Variants in BCAR3 observed in about 807,000 individuals in gnomAD.
BCAR3 encodes breast cancer anti-estrogen resistance protein 3.
In BCAR3, 37 loss-of-function variants were observed where a neutral mutation model predicts 80.1. The observed-to-expected ratio is 0.46, with a 90% CI of 0.36 to 0.61. The LOEUF (loss-of-function observed/expected upper bound fraction) is 0.61. Among genes scored for constraint, BCAR3 ranks in the 20% least tolerant of loss-of-function variants. The pLI is 0.00. For synonymous variants in BCAR3, 389 were observed against 418.9 expected (o/e 0.93, Z 0.87); for missense variants, 978 against 1,068.2 (o/e 0.92, Z 1.18).
chr1:93,785,855 T>C (rs184518368), intron 2 of BCAR3, among the ~76,000 whole-genome samples: 8 of 152,224 alleles, frequency 5.3e-5, no homozygotes, highest in Admixed American at 3.9e-4. Context: ...CCTGAAACAA[T>C]AGTATAGTGG....
intron 2 of BCAR3, among the ~76,000 whole-genome samples, chr1:93,811,830 A>T (rs1284967989): frequency 6.6e-6 from 1 of 152,218 alleles, no homozygotes; most frequent in African/African-American, 2.4e-5. Context: ...GGCTCCCAAG[A>T]GCCAACTGAC....
chr1:93,665,429 C>A (rs1647856650), intron 2 of BCAR3, among the ~76,000 whole-genome samples: 1 of 152,242 alleles, frequency 6.6e-6, no homozygotes, highest in South Asian at 2.1e-4. Context: ...TGAACACCAA[C>A]CCTATCCAGA....
At chr1:93,573,913 G>A (rs1331253881) in intron 8 of BCAR3, among the ~76,000 whole-genome samples, 1 of 152,146 alleles carries the variant, frequency 6.6e-6, no homozygotes, top group Non-Finnish European at 1.5e-5. Flanking sequence ...ACAGGCATGA[G>A]CCACCACGCC....
At chr1:93,588,940 C>CG in intron 5 of BCAR3, 37 bp downstream of exon 5, 1 of 1,504,290 alleles carries the variant, frequency 6.6e-7, no homozygotes, top group Non-Finnish European at 8.9e-7. Flanking sequence ...GGCACCCCGG[C>CG]GCCCCTCATA....
intron 2 of BCAR3, among the ~76,000 whole-genome samples, chr1:93,662,196 C>G (rs1647693374): frequency 6.6e-6 from 1 of 152,210 alleles, no homozygotes; most frequent in Admixed American, 6.5e-5. Flanking sequence ...CCATGTGTGA[C>G]CAACTCCGAT....
At chr1:93,814,379 C>T (rs1022197284) in intron 2 of BCAR3, among the ~76,000 whole-genome samples, 2 of 152,216 alleles carry the variant, frequency 1.3e-5, no homozygotes, top group Admixed American at 1.3e-4. Flanking sequence ...ATTTCCACAT[C>T]TCACAGGATG....
rs556842629 is a variant in BCAR3, at chr1:93,732,101, T to G, written c.-62-25959A>C. On this transcript the variant is annotated intron_variant, in intron 2 of 13. Coordinates refer to the BCAR3 transcript ENST00000370244. ...AAGTGAGAAAGAAAAAGAGAGAGAATTGGCATATTTAGGGAATAGAAAGAG... is the reference window on the plus strand; with the variant it reads ...AAGTGAGAAAGAAAAAGAGAGAGAAGTGGCATATTTAGGGAATAGAAAGAG... Among the ~76,000 whole-genome samples the G allele has an allele frequency of 7.2e-4, 110 of 152,268 alleles. 1 individual carries two copies. The highest frequency in any genetic ancestry group is 2.1e-3 in the African/African-American group (87 of 41,548).
At chr1:93,777,458 C>A (rs1652609337) in intron 2 of BCAR3, among the ~76,000 whole-genome samples, 1 of 146,582 alleles carries the variant, frequency 6.8e-6, no homozygotes. Context: ...TCCTCCTCTT[C>A]CTCCTCCTCT....
chr1:93,624,830 G>C (rs1015223718), intron 3 of BCAR3, among the ~76,000 whole-genome samples: 1 of 152,246 alleles, frequency 6.6e-6, no homozygotes, highest in African/African-American at 2.4e-5. Flanking sequence ...AGGGATGACA[G>C]GCCACACAGA....
intron 3 of BCAR3, chr1:93,602,341 T>C (rs1001840908): frequency 2.0e-5 from 3 of 152,190 alleles, no homozygotes; most frequent in African/African-American, 7.2e-5. Flanking sequence ...CTGTACCAGG[T>C]GGCCCAAGCT....
At chr1:93,565,624 A>C (rs766680304) in intron 11 of BCAR3, among the ~76,000 whole-genome samples, 2 of 151,908 alleles carry the variant, frequency 1.3e-5, no homozygotes, top group Non-Finnish European at 2.9e-5. Context: ...CATCCATGGT[A>C]ATGTATTCAT....
rs534788729 is a variant in BCAR3, at chr1:93,659,479, C to A, written c.317+15135G>T. On this transcript the variant is annotated intron_variant, in intron 2 of 11. Transcript: ENST00000260502. The stretch of plus-strand genomic sequence containing the variant: ...AAATGCTGAGATTATAGGCATGAGA[C>A]ACCATGCCTGGCCAGCAACCGGCTT... Among the ~76,000 whole-genome samples, 9 of 152,182 alleles carry A rather than the reference C, an allele frequency of 5.9e-5. No individual in the cohort carries two copies. In the South Asian group the frequency reaches 1.9e-3, roughly 32 times the overall value.
intron 2 of BCAR3, among the ~76,000 whole-genome samples, chr1:93,643,240 G>A (rs2893250): frequency 0.041 from 4,138 of 101,862 alleles, 89 homozygotes; most frequent in East Asian, 0.09. Flanking sequence ...AAAAAAAAAA[G>A]AGGCCAGGCG....
chr1:93,785,115 C>G (rs1479879467), intron 2 of BCAR3, among the ~76,000 whole-genome samples: 1 of 152,154 alleles, frequency 6.6e-6, no homozygotes, highest in Non-Finnish European at 1.5e-5. Flanking sequence ...TGAAGGTGTC[C>G]TTCAAACAAG....
chr1:93,600,862 C>T (rs77460018), intron 3 of BCAR3: 2,324 of 152,382 alleles, frequency 0.015, 28 homozygotes, highest in Non-Finnish European at 0.023. Flanking sequence ...GAGACCATGC[C>T]TTATTTACCT....
chr1:93,736,096 GAATTA>G (rs1241367946), intron 2 of BCAR3, among the ~76,000 whole-genome samples: 1 of 152,158 alleles, frequency 6.6e-6, no homozygotes, highest in Non-Finnish European at 1.5e-5. Context: ...TATAATTATT[GAATTA>G]AATTAAGAAA....
intron 2 of BCAR3, among the ~76,000 whole-genome samples, chr1:93,719,433 C>T (rs1022639326): frequency 4.0e-5 from 6 of 148,948 alleles, no homozygotes; most frequent in African/African-American, 7.4e-5. Context: ...CTCTGCCTCC[C>T]GGGTTCACAT....
chr1:93,605,636 C>T (rs1674751529), intron 3 of BCAR3: 1 of 152,234 alleles, frequency 6.6e-6, no homozygotes. Flanking sequence ...GTAATTCAAT[C>T]TTGTTAATTC....
chr1:93,736,598 A>G (rs538269243), intron 2 of BCAR3, among the ~76,000 whole-genome samples: 1 of 152,360 alleles, frequency 6.6e-6, no homozygotes, highest in South Asian at 2.1e-4. Context: ...ATTCCTTTGC[A>G]TAATATGGTA....
Sources: gnomAD v4.1 joint callset for allele counts (sites outside exome capture counted in the v4.1 genomes callset) on GRCh38, gnomAD v4.1.1 for gene constraint, MANE v1.5 for transcripts, NCBI Gene and HGNC (gene_info 2026-07-23, HGNC 2026-07-21) for gene names.